Variants in ITGAE observed in about 807,000 individuals in gnomAD.
The protein encoded by ITGAE is integrin alpha-E.
Under a neutral mutation model 136.5 loss-of-function variants are expected in ITGAE, and 99 were observed. The ratio of observed to expected loss-of-function variants is 0.73; its 90% CI spans 0.62 to 0.86. The LOEUF is 0.86. Ranked by LOEUF, ITGAE falls within the 40% of genes least tolerant of loss-of-function variation. ITGAE has a pLI of 0.00. For missense variants in ITGAE, 1,447 were observed against 1,515.3 expected (o/e 0.95, Z 0.75); for synonymous variants, 613 against 591.8 (o/e 1.04, Z -0.52).
intron 17 of ITGAE, 129 bp from the exon 18 acceptor site, chr17:3,746,056 G>T: frequency 1.3e-6 from 1 of 788,600 alleles, no homozygotes; most frequent in Non-Finnish European, 2.0e-6. Context: ...CTTCCCTGCG[G>T]CTGGACTCCT....
chr17:3,742,702 T>C (rs577865847), intron 19 of ITGAE, among the ~76,000 whole-genome samples: 115 of 152,328 alleles, frequency 7.5e-4, no homozygotes, highest in Middle Eastern at 3.4e-3. Flanking sequence ...TGGAGTGCAA[T>C]GGCACGGCCT....
At chr17:3,723,533 G>T in intron 27 of ITGAE, 150 bp from the exon 28 acceptor site, 1 of 992,364 alleles carries the variant, frequency 1.0e-6, no homozygotes, top group Non-Finnish European at 1.5e-6. Context: ...AAGCTCCAGC[G>T]GGAGCAATTG....
At chr17:3,762,127 G>T in intron 3 of ITGAE, 145 bp from the exon 4 acceptor site, 1 of 666,362 alleles carries the variant, frequency 1.5e-6, no homozygotes. Flanking sequence ...GAAAGCTAGA[G>T]CGGGGGCCTT....
intron 9 of ITGAE, 58 bp downstream of exon 9, chr17:3,757,648 T>C: frequency 6.3e-7 from 1 of 1,585,336 alleles, no homozygotes; most frequent in Non-Finnish European, 8.6e-7. Context: ...CAACCCTGGC[T>C]TCTCCCCACC....
chr17:3,735,079 C>T (rs2051431990), intron 20 of ITGAE, 130 bp from the exon 21 acceptor site: 4 of 1,018,418 alleles, frequency 3.9e-6, no homozygotes, highest in Non-Finnish European at 4.4e-6. Flanking sequence ...CCGCAGCCTC[C>T]ACTTCCTGGG....
At chr17:3,775,933 C>G (rs2052529637) in intron 2 of ITGAE, among the ~76,000 whole-genome samples, 1 of 152,068 alleles carries the variant, frequency 6.6e-6, no homozygotes, top group African/African-American at 2.4e-5. Context: ...TCACCGCAAC[C>G]TTACCAGCAA....
intron 26 of ITGAE, chr17:3,724,303 C>A (rs748515587): frequency 1.9e-6 from 3 of 1,587,330 alleles, no homozygotes; most frequent in South Asian, 1.1e-5. Flanking sequence ...GCTCGGCCCC[C>A]GCAGAAGTGC....
chr17:3,715,962 C>G (rs930309855), intron 30 of ITGAE, among the ~76,000 whole-genome samples: 4 of 152,046 alleles, frequency 2.6e-5, no homozygotes, highest in African/African-American at 9.7e-5. Context: ...TGAGACCAGC[C>G]TGGCCAATAT....
intron 14 of ITGAE, among the ~76,000 whole-genome samples, chr17:3,752,245 G>A (rs1460328225): frequency 1.3e-5 from 2 of 152,220 alleles, no homozygotes; most frequent in Non-Finnish European, 2.9e-5. Context: ...CTAGTTCCAT[G>A]GGCAGGGGTG....
intron 28 of ITGAE, among the ~76,000 whole-genome samples, chr17:3,722,836 A>C (rs1202457343): frequency 6.6e-6 from 1 of 152,214 alleles, no homozygotes; most frequent in Non-Finnish European, 1.5e-5. Flanking sequence ...GGCACAATCT[A>C]ATGTCTGCTC....
intron 3 of ITGAE, among the ~76,000 whole-genome samples, chr17:3,762,643 G>T (rs2052203012): frequency 2.1e-5 from 3 of 145,632 alleles, no homozygotes. Flanking sequence ...TGTCGCCCAG[G>T]CTGGAGTGCA....
chr17:3,714,750 C>A lies in ITGAE; in HGVS notation c.*97G>T. The A allele has an allele frequency of 1.5e-6, 1 of 672,466 alleles. No homozygotes were observed. The highest frequency in any genetic ancestry group is 2.6e-6 in the Non-Finnish European group (1 of 381,714). 41.7% of individuals were successfully genotyped at this position (672,466 alleles called of 1,614,324 possible). ...CTAATATTCTACCAACAGCTCCATGCTGCTCTAGATCATCCTGAAGGAAAA... is the reference window on the plus strand; with the variant it reads ...CTAATATTCTACCAACAGCTCCATGATGCTCTAGATCATCCTGAAGGAAAA... On this transcript the variant is annotated 3_prime_UTR_variant, in exon 31 of 31. Transcript: ENST00000263087.
At chr17:3,781,493 G>A (rs1485736714) in intron 1 of ITGAE, among the ~76,000 whole-genome samples, 3 of 152,086 alleles carry the variant, frequency 2.0e-5, no homozygotes, top group African/African-American at 7.2e-5. Context: ...CAAATAGCTG[G>A]GATTACAGGC....
chr17:3,719,070 TA>T (rs143911359), intron 29 of ITGAE, among the ~76,000 whole-genome samples: 20,162 of 150,246 alleles, frequency 0.13, 4,559 homozygotes, highest in African/African-American at 0.47. Flanking sequence ...TGTCTCTATT[TA>T]AAAAAAATAA....
At chr17:3,767,200 G>A (rs1597349281) in intron 2 of ITGAE, among the ~76,000 whole-genome samples, 1 of 151,742 alleles carries the variant, frequency 6.6e-6, no homozygotes, top group Non-Finnish European at 1.5e-5. Context: ...GGGTTCAGGC[G>A]ATTCTCCTGC....
intron 22 of ITGAE, 40 bp downstream of exon 22, chr17:3,732,328 C>T (rs751517529): frequency 2.1e-6 from 3 of 1,455,384 alleles, no homozygotes; most frequent in African/African-American, 1.4e-5. Context: ...ACGCCAACTG[C>T]AGGGTGGTGA....
At chr17:3,731,292 C>A in intron 22 of ITGAE, 109 bp from the exon 23 acceptor site, 2 of 725,716 alleles carry the variant, frequency 2.8e-6, no homozygotes, top group Non-Finnish European at 4.8e-6. Flanking sequence ...CAGATTTTCA[C>A]ATTCCTCACA....
chr17:3,726,386 G>A (rs1023351617), intron 26 of ITGAE: 1 of 1,291,354 alleles, frequency 7.7e-7, no homozygotes, highest in Admixed American at 2.0e-5. Context: ...TGAAGCCTCT[G>A]GTGCTGTTTC....
chr17:3,748,971 G>A (rs980333416), intron 16 of ITGAE, among the ~76,000 whole-genome samples: 3 of 152,194 alleles, frequency 2.0e-5, no homozygotes, highest in African/African-American at 7.2e-5. Flanking sequence ...AGAGTGAAGG[G>A]ATAGGGCTGC....
Sources: gnomAD v4.1 joint callset for allele counts (sites outside exome capture counted in the v4.1 genomes callset) on GRCh38, gnomAD v4.1.1 for gene constraint, MANE v1.5 for transcripts, NCBI Gene and HGNC (gene_info 2026-07-23, HGNC 2026-07-21) for gene names.